The following FSTL5 variants were observed in gnomAD, a reference collection of about 807,000 sequenced individuals.
The protein encoded by FSTL5 is follistatin like 5.
A neutral mutation model predicts 89.1 loss-of-function variants in FSTL5; 62 were observed. That is an observed-to-expected ratio of 0.70 (90% CI 0.57 to 0.86). The LOEUF is 0.86. FSTL5 is among the 40% of genes least tolerant of loss of function. The pLI is 0.00. For missense variants in FSTL5, 1,057 were observed against 1,001.6 expected (o/e 1.06, Z -0.75); for synonymous variants, 383 against 346.2 (o/e 1.11, Z -1.18).
intron 7 of FSTL5, among the ~76,000 whole-genome samples, chr4:161,632,278 G>A (rs1735528824): frequency 6.6e-6 from 1 of 152,144 alleles, no homozygotes; most frequent in African/African-American, 2.4e-5. Context: ...TACTTGGGAG[G>A]CTGAGACGGG....
chr4:162,133,074 G>A (rs1382964913), intron 1 of FSTL5, among the ~76,000 whole-genome samples: 2 of 152,158 alleles, frequency 1.3e-5, no homozygotes, highest in African/African-American at 4.8e-5. Context: ...AGCCTCCTGA[G>A]TAGCTGGGAC....
intron 2 of FSTL5, among the ~76,000 whole-genome samples, chr4:162,068,005 C>T (rs994557151): frequency 4.0e-5 from 6 of 151,872 alleles, no homozygotes; most frequent in African/African-American, 1.2e-4. Flanking sequence ...AGTGAAGGCC[C>T]TCTTCAAGGA....
At chr4:162,137,750 A>G (rs569425298) in intron 1 of FSTL5, among the ~76,000 whole-genome samples, 1 of 152,356 alleles carries the variant, frequency 6.6e-6, no homozygotes, top group East Asian at 1.9e-4. Flanking sequence ...CTTACAGACA[A>G]AAAACGCTTT....
At position 161,386,298 on chromosome 4, in the gene FSTL5, A is replaced by C. The variant is rs1266097558; in HGVS notation, c.1993T>G (p.Cys665Gly). ...ACTGCTCCGGTGCTGTCAGGTTTGC[A>C]GCCAATGAAGTAGTAGCCTCCCAAG... ...THLGGYYFIG[C>G]KPDSTGAVSP... is the part of the protein sequence containing the mutation. The change falls in exon 16 of 16, where the codon TGC (cysteine) becomes GGC (glycine). Residue 665 changes from cysteine (C) to glycine (G), a missense_variant. By Grantham distance (159) the Cys-to-Gly change is radical. Coordinates refer to ENST00000306100, the MANE Select transcript of FSTL5 (RefSeq NM_020116.5). 2 of 1,614,020 alleles carry C rather than the reference A, an allele frequency of 1.2e-6. No homozygotes were observed. Among genetic ancestry groups the C allele is most frequent in the Non-Finnish European group, 1.7e-6 (2 of 1,179,952 alleles).
chr4:161,987,173 G>A (rs1483416503), intron 3 of FSTL5, among the ~76,000 whole-genome samples: 3 of 152,006 alleles, frequency 2.0e-5, no homozygotes, highest in Non-Finnish European at 4.4e-5. Flanking sequence ...TTCATGGGGA[G>A]GATATCAGAT....
chr4:161,386,558 G>A lies in FSTL5; in HGVS notation c.1842-109C>T, dbSNP rs112769603. 4.8e-3 allele frequency: 3,315 copies of A among 695,358 alleles called. 86 individuals carry two copies. The African/African-American group carries it at 0.053, about 11-fold the overall frequency. The allele number at this position is 695,358 out of a possible 1,614,324, so 43.1% of individuals were successfully genotyped here. A position where few individuals can be genotyped will look rare whatever the true frequency, so the allele number is the denominator to read the frequency against. On this transcript the variant is annotated intron_variant, in intron 15 of 15. Coordinates refer to ENST00000306100, the MANE Select transcript of FSTL5 (RefSeq NM_020116.5). ...CCATCGCAGGCTCTAATTGTCAGGC[G>A]AGGCAGCAATTTGTGTTACAATTGT... is the stretch of plus-strand genomic sequence containing the variant.
At chr4:161,653,854 T>C (rs1224351005) in intron 7 of FSTL5, among the ~76,000 whole-genome samples, 2 of 152,314 alleles carry the variant, frequency 1.3e-5, no homozygotes, top group South Asian at 2.1e-4. Context: ...TTGAAAGATA[T>C]CTTTGCACTC....
intron 5 of FSTL5, among the ~76,000 whole-genome samples, chr4:161,767,359 G>T (rs1022229647): frequency 6.6e-6 from 1 of 152,294 alleles, no homozygotes; most frequent in East Asian, 1.9e-4. Flanking sequence ...AGATGCCTTG[G>T]TCAAGTTTGT....
intron 8 of FSTL5, among the ~76,000 whole-genome samples, chr4:161,547,714 A>T (rs72685745): frequency 2.6e-5 from 4 of 151,854 alleles, no homozygotes; most frequent in South Asian, 2.1e-4. Flanking sequence ...CAGAAAAGTC[A>T]TTTACCTTTG....
intron 1 of FSTL5, among the ~76,000 whole-genome samples, chr4:162,141,173 G>C (rs1416533924): frequency 1.3e-5 from 1 of 76,522 alleles, no homozygotes; most frequent in African/African-American, 4.7e-5. Context: ...CTGGAGTGCA[G>C]TGGCGCGATC....
intron 6 of FSTL5, among the ~76,000 whole-genome samples, chr4:161,683,257 C>T (rs1282480295): frequency 6.6e-6 from 1 of 150,440 alleles, no homozygotes; most frequent in East Asian, 1.9e-4. Context: ...TGATTCACAA[C>T]TAGGTGCTAG....
rs1731374171 is a variant in FSTL5 at position 161,530,481 on chromosome 4, A to T, written c.1312+7685T>A. On this transcript the variant is annotated intron_variant, in intron 10 of 15. Coordinates refer to ENST00000306100, the MANE Select transcript of FSTL5 (RefSeq NM_020116.5). ...TTTTAAAAAATCTTCAAGTTGTTTT[A>T]TTTTATAATAAAGTATGAACTATCA... Among the ~76,000 whole-genome samples, 3 of 149,670 alleles carry T rather than the reference A, an allele frequency of 2.0e-5. 1 individual carries two copies. In the South Asian group the frequency reaches 6.5e-4, roughly 33 times the overall value.
rs912962061 is a variant in FSTL5 at position 161,481,035 on chromosome 4, G to A, written c.1593C>T (p.Ser531=). 3.1e-6 allele frequency: 5 copies of A among 1,608,704 alleles called. No homozygotes were observed. Among genetic ancestry groups the A allele is most frequent in the Non-Finnish European group, 4.2e-6 (5 of 1,177,894 alleles). ...LDRVLIVDVQ[S]QKVVQAVSTD... Reference sequence around the variant, plus strand: ...TTATTCATACCTGAACAACTTTTTGGGACTGCACATCAACAATAAGGACTC... The same window carrying A: ...TTATTCATACCTGAACAACTTTTTGAGACTGCACATCAACAATAAGGACTC... The change falls in exon 13 of 16, where the codon TCC becomes TCT. Residue 531 remains serine, a synonymous_variant. Coordinates refer to ENST00000306100, the MANE Select transcript of FSTL5 (RefSeq NM_020116.5).
At chr4:161,731,799 A>G (rs1042776194) in intron 6 of FSTL5, among the ~76,000 whole-genome samples, 6 of 151,598 alleles carry the variant, frequency 4.0e-5, no homozygotes, top group Non-Finnish European at 7.4e-5. Flanking sequence ...AATAATTTTG[A>G]TTAATCCATT....
rs780653236 is a variant in FSTL5 at position 161,385,879 on chromosome 4, G to T, written c.2412C>A (p.Gly804=). Residue 804 remains glycine, a synonymous_variant, in exon 16 of 16, where the codon GGC becomes GGA. Coordinates refer to ENST00000306100, the MANE Select transcript of FSTL5 (RefSeq NM_020116.5). The stretch of plus-strand genomic sequence containing the variant: ...GTGTCATCAGGTATTGACCAAACAA[G>T]CCACTGTCCTGGATTTGCCTGTTTT... The part of the protein sequence containing the change: ...NRKNRQIQDS[G]LFGQYLMTPS... 6.2e-7 allele frequency: 1 copy of T among 1,613,826 alleles called. No homozygotes were observed. The highest frequency in any genetic ancestry group is 8.5e-7 in the Non-Finnish European group (1 of 1,179,894).
chr4:162,027,225 T>C (rs1737328256), intron 3 of FSTL5, among the ~76,000 whole-genome samples: 1 of 152,122 alleles, frequency 6.6e-6, no homozygotes, highest in South Asian at 2.1e-4. Context: ...ATGAGTTTTT[T>C]AAAGGATGGA....
intron 1 of FSTL5, among the ~76,000 whole-genome samples, chr4:162,145,743 T>C (rs989144641): frequency 2.0e-5 from 3 of 152,162 alleles, no homozygotes; most frequent in Admixed American, 2.0e-4. Context: ...AATATTTCCA[T>C]ATGCTCAGAT....
chr4:161,718,068 C>T (rs2126747296), intron 6 of FSTL5, among the ~76,000 whole-genome samples: 1 of 152,014 alleles, frequency 6.6e-6, no homozygotes, highest in African/African-American at 2.4e-5. Context: ...AACTGGTATA[C>T]TTTTATAATA....
chr4:162,087,044 A>G (rs537369620), intron 2 of FSTL5, among the ~76,000 whole-genome samples: 1 of 152,230 alleles, frequency 6.6e-6, no homozygotes, highest in South Asian at 2.1e-4. Context: ...CAAATTTGAG[A>G]AAATCCATAA....
Sources: gnomAD v4.1 joint callset for allele counts (sites outside exome capture counted in the v4.1 genomes callset) on GRCh38, gnomAD v4.1.1 for gene constraint, MANE v1.5 for transcripts, NCBI Gene and HGNC (gene_info 2026-07-23, HGNC 2026-07-21) for gene names.